GALNT18: variants seen among roughly 807,000 people sequenced by gnomAD.
GALNT18 encodes the protein polypeptide N-acetylgalactosaminyltransferase 18.
In GALNT18, 44 loss-of-function variants were observed where a neutral mutation model predicts 69.5. That is an observed-to-expected ratio of 0.63 (90% CI 0.50 to 0.81). The LOEUF is 0.81. Ranked by LOEUF, GALNT18 falls within the 40% of genes least tolerant of loss-of-function variation. The pLI is 0.00. For missense variants in GALNT18, 715 were observed against 810.0 expected, an observed-to-expected ratio of 0.88 and a Z score of 1.42; for synonymous variants, 364 against 318.2, an observed-to-expected ratio of 1.14 and a Z score of -1.53.
chr11:11,604,962 G>A lies in GALNT18; in HGVS notation c.235+16397C>T, dbSNP rs1178644007. Among the ~76,000 whole-genome samples the A allele has an allele frequency of 1.3e-5, 2 of 152,090 alleles. No individual in the cohort carries two copies. The highest frequency in any genetic ancestry group is 1.3e-4 in the Admixed American group (2 of 15,272). ...GTCTGCGGAGGTAAAAAAAAAGAAT[G>A]GAATAGTCCTTTTTAAATGACATTT... On this transcript the variant is annotated intron_variant, in intron 1 of 10. Transcript: ENST00000227756. This position sits in a 1 kb window ranked among gnomAD's most constrained non-coding sequence, Gnocchi z 5.6.
At chr11:11,311,237 A>G (rs1849668641) in intron 9 of GALNT18, among the ~76,000 whole-genome samples, 1 of 152,214 alleles carries the variant, frequency 6.6e-6, no homozygotes, top group Non-Finnish European at 1.5e-5. Flanking sequence ...AACTTCTTGA[A>G]GGTCTACTTC....
chr11:11,531,438 G>A (rs1857645479), intron 1 of GALNT18, among the ~76,000 whole-genome samples: 1 of 152,160 alleles, frequency 6.6e-6, no homozygotes, highest in African/African-American at 2.4e-5. Flanking sequence ...GTACATAAGT[G>A]TATGCGAGTG....
chr11:11,405,425 T>C (rs562832111), intron 3 of GALNT18, among the ~76,000 whole-genome samples: 2 of 152,290 alleles, frequency 1.3e-5, no homozygotes, highest in Admixed American at 6.5e-5. Context: ...GGCTAGACTT[T>C]GGAAGGAATG....
At chr11:11,520,892 A>G (rs190145562) in intron 1 of GALNT18, among the ~76,000 whole-genome samples, 4 of 152,006 alleles carry the variant, frequency 2.6e-5, no homozygotes, top group Non-Finnish European at 4.4e-5. Flanking sequence ...CTACACCAGC[A>G]TGTGGGGAAA....
chr11:11,482,447 C>T (rs910037954), intron 1 of GALNT18, among the ~76,000 whole-genome samples: 1 of 152,176 alleles, frequency 6.6e-6, no homozygotes, highest in East Asian at 1.9e-4. Flanking sequence ...GACTGTTCTG[C>T]AATGAGGGAA....
chr11:11,470,102 G>C lies in GALNT18; in HGVS notation c.236-21166C>G, dbSNP rs1454310396. On this transcript the variant is annotated intron_variant, in intron 1 of 10. Transcript: ENST00000227756. This position sits in a 1 kb window ranked among gnomAD's most constrained non-coding sequence, Gnocchi z 4.8. Reference sequence around the variant, plus strand: ...TTTTGCCAATTGACAGGGACACTTGGATGAGGATGGTTTTGAAGCTGTGAC... The same window carrying C: ...TTTTGCCAATTGACAGGGACACTTGCATGAGGATGGTTTTGAAGCTGTGAC... Among the ~76,000 whole-genome samples, 2 of 152,208 alleles carry C rather than the reference G, an allele frequency of 1.3e-5. No homozygotes were observed. Among genetic ancestry groups the C allele is most frequent in the East Asian group, 3.8e-4 (2 of 5,200 alleles).
intron 6 of GALNT18, among the ~76,000 whole-genome samples, chr11:11,346,667 A>G (rs1437881066): frequency 6.6e-6 from 1 of 152,204 alleles, no homozygotes; most frequent in Non-Finnish European, 1.5e-5. Flanking sequence ...AGATATGCCT[A>G]CAGAGGAGCT....
In GALNT18 at chr11:11,322,053, C is replaced by A. The variant is rs372104006; in HGVS notation, c.1512+5033G>T. On this transcript the variant is annotated intron_variant, in intron 9 of 10. Transcript: ENST00000227756. ...TTAAAGTGGAGTAATAATGGTAACA[C>A]CATCCTTATAGAAATACTAATAGAT... Among the ~76,000 whole-genome samples the A allele has an allele frequency of 7.9e-5, 12 of 152,300 alleles. No homozygotes were observed. The East Asian group carries it at 1.9e-3, about 24-fold the overall frequency.
chr11:11,386,329 T>C (rs907078748), intron 3 of GALNT18, among the ~76,000 whole-genome samples: 11 of 152,236 alleles, frequency 7.2e-5, no homozygotes, highest in South Asian at 4.1e-4. Context: ...CTGTCTCCCA[T>C]CCCCACTCCC....
Position 11,341,100 on chromosome 11 carries a change from C to T in GALNT18, c.1093-96G>A. 1.7e-6 allele frequency: 2 copies of T among 1,199,974 alleles called. No homozygotes were observed. The highest frequency in any genetic ancestry group is 2.3e-6 in the Non-Finnish European group (2 of 856,608). The allele number at this position is 1,199,974 out of a possible 1,614,324, so 74.3% of individuals were successfully genotyped here. The stretch of plus-strand genomic sequence containing the variant: ...CACTTGACATGAGCAGGAAGAAAGT[C>T]AGCCCCTTCACCTTGACTCCCCAGA... On this transcript the variant is annotated intron_variant, in intron 6 of 10. Transcript: ENST00000227756. This position sits in a 1 kb window ranked among gnomAD's most constrained non-coding sequence, Gnocchi z 6.3.
At position 11,494,732 on chromosome 11, in the gene GALNT18, C is replaced by A. The variant is rs2133890048; in HGVS notation, c.236-45796G>T. Among the ~76,000 whole-genome samples, 1 of 152,320 alleles carries A rather than the reference C, an allele frequency of 6.6e-6. No homozygotes were observed. The highest frequency in any genetic ancestry group is 2.4e-5 in the African/African-American group (1 of 41,570). On this transcript the variant is annotated intron_variant, in intron 1 of 10. Coordinates refer to ENST00000227756, the MANE Select transcript of GALNT18 (RefSeq NM_198516.3). This position sits in a 1 kb window ranked among gnomAD's most constrained non-coding sequence, Gnocchi z 5.7. The stretch of plus-strand genomic sequence containing the variant: ...TTCTGTCAGTACACACACTCCTCAT[C>A]CTGGGGCATTTCCACTATAGCCAAA...
intron 1 of GALNT18, among the ~76,000 whole-genome samples, chr11:11,492,405 G>A (rs558006464): frequency 2.7e-4 from 41 of 152,318 alleles, no homozygotes; most frequent in African/African-American, 9.9e-4. Context: ...ACACAGGGAA[G>A]AACTGGCTCA....
rs564227219 is a variant in GALNT18 at position 11,404,605 on chromosome 11, G to A, written c.596-25341C>T. ...GGCTCCATCCAAACCTAAGCCCTCCGCCCCACCCTGCGTTCTGGAATTCCT... is the reference window on the plus strand; with the variant it reads ...GGCTCCATCCAAACCTAAGCCCTCCACCCCACCCTGCGTTCTGGAATTCCT... On this transcript the variant is annotated intron_variant, in intron 3 of 10. Transcript: ENST00000227756. The surrounding 1 kb of genome is among the most constrained non-coding windows in gnomAD (Gnocchi z 4.5). Among the ~76,000 whole-genome samples the A allele has an allele frequency of 7.2e-5, 11 of 152,148 alleles. No individual in the cohort carries two copies. Among genetic ancestry groups the A allele is most frequent in the Non-Finnish European group, 1.5e-4 (10 of 68,002 alleles).
In GALNT18 at chr11:11,315,038, ATG is replaced by A. The variant is rs10537962; in HGVS notation, c.1512+12046_1512+12047del. On this transcript the variant is annotated intron_variant, in intron 9 of 10. Coordinates refer to ENST00000227756, the MANE Select transcript of GALNT18 (RefSeq NM_198516.3). This position sits in a 1 kb window ranked among gnomAD's most constrained non-coding sequence, Gnocchi z 5.6. ...GCAGAGATGGACACATACTAATTATATGTGTGTGTGTGTGTGTGTGTGTGTAT... is the reference window on the plus strand; with the variant it reads ...GCAGAGATGGACACATACTAATTATATGTGTGTGTGTGTGTGTGTGTGTAT... Among the ~76,000 whole-genome samples the A allele has an allele frequency of 0.25, 37,526 of 149,964 alleles. 4,910 individuals carry two copies. The highest frequency in any genetic ancestry group is 0.33 in the African/African-American group (13,641 of 40,804).
intron 10 of GALNT18, among the ~76,000 whole-genome samples, chr11:11,281,134 G>C (rs1158680389): frequency 6.6e-6 from 1 of 152,212 alleles, no homozygotes; most frequent in African/African-American, 2.4e-5. Flanking sequence ...CACGCAGGCA[G>C]GGGACCAAAA....
chr11:11,575,848 C>T (rs1858913119), intron 1 of GALNT18, among the ~76,000 whole-genome samples: 1 of 152,370 alleles, frequency 6.6e-6, no homozygotes, highest in Non-Finnish European at 1.5e-5. Flanking sequence ...CTAGACAAAA[C>T]AAATTATCAT....
Position 11,349,386 on chromosome 11 carries a change from T to C in GALNT18, c.1093-8382A>G, listed in dbSNP as rs1394015585. 2.0e-5 allele frequency among the ~76,000 whole-genome samples: 3 copies of C among 152,196 alleles called. No individual in the cohort carries two copies. The East Asian group carries it at 5.8e-4, about 29-fold the overall frequency. ...GGAAAAGTGACACTGTTCCAAATAATGTGGATCACATTATACTCCCACCAG... is the reference window on the plus strand; with the variant it reads ...GGAAAAGTGACACTGTTCCAAATAACGTGGATCACATTATACTCCCACCAG... On this transcript the variant is annotated intron_variant, in intron 6 of 10. Transcript: ENST00000227756.
intron 1 of GALNT18, among the ~76,000 whole-genome samples, chr11:11,503,029 A>AGG (rs1206169734): frequency 6.6e-6 from 1 of 152,210 alleles, no homozygotes; most frequent in Non-Finnish European, 1.5e-5. Context: ...ATGGAAGAAG[A>AGG]GGGCTTCCTG....
intron 1 of GALNT18, among the ~76,000 whole-genome samples, chr11:11,508,394 C>T (rs75351054): frequency 7.0e-4 from 107 of 152,266 alleles, no homozygotes; most frequent in African/African-American, 2.3e-3. Context: ...GTGCTCATCC[C>T]ACTGCACTCC....
Sources: allele counts gnomAD v4.1 joint callset (sites outside exome capture counted in the v4.1 genomes callset), GRCh38; gene constraint gnomAD v4.1.1; non-coding constraint Gnocchi (gnomAD v3.1); transcripts MANE v1.5; gene names NCBI Gene and HGNC (gene_info 2026-07-23, HGNC 2026-07-21).